Variants in GTF2E2 observed in about 807,000 individuals in gnomAD.
The protein encoded by GTF2E2 is general transcription factor IIE subunit 2.
Under a neutral mutation model 40.5 loss-of-function variants are expected in GTF2E2, and 21 were observed. The observed-to-expected ratio is 0.52, with a 90% CI of 0.37 to 0.75. The LOEUF (loss-of-function observed/expected upper bound fraction) is 0.75. Among genes scored for constraint, GTF2E2 ranks in the 30% least tolerant of loss-of-function variants. The probability of loss-of-function intolerance (pLI) is 0.00; values close to 1 mark genes in which losing one functional copy is unlikely to be tolerated. For synonymous variants in GTF2E2, 117 were observed against 121.6 expected, an observed-to-expected ratio of 0.96 and a Z score of 0.25; for missense variants, 298 against 338.4, an observed-to-expected ratio of 0.88 and a Z score of 0.94.
Position 30,607,145 on chromosome 8 carries a change from C to A in GTF2E2, c.555G>T (p.Leu185Phe). 1 of 1,315,072 alleles carries A rather than the reference C, an allele frequency of 7.6e-7. No homozygotes were observed. The highest frequency in any genetic ancestry group is 2.0e-5 in the Admixed American group (1 of 49,254). 81.5% of individuals were successfully genotyped at this position (1,315,072 alleles called of 1,614,324 possible). Residue 185 changes from leucine (L) to phenylalanine (F), a missense_variant, in exon 6 of 8, where the codon TTG becomes TTT. Transcript: ENST00000355904. ...LPNSQKAVKA[L>F]GDQILFVNRP... ...GATTTACAAATAGTATCTGGTCCCCCAAAGCCTTAAAGATAGATAAAATAA... is the reference window on the plus strand; with the variant it reads ...GATTTACAAATAGTATCTGGTCCCCAAAAGCCTTAAAGATAGATAAAATAA...
At position 30,592,245 on chromosome 8, in the gene GTF2E2, G is replaced by A. The variant is rs142547872; in HGVS notation, c.644-11849C>T. On this transcript the variant is annotated intron_variant, in intron 6 of 7. Transcript: ENST00000355904. ...AATACAAACATTAGCCAGGCATGGT[G>A]ACACACACCTGTAGTCCTAGCTACT... Among the ~76,000 whole-genome samples, 1,130 of 152,220 alleles carry A rather than the reference G, an allele frequency of 7.4e-3. 18 individuals carry two copies. The highest frequency in any genetic ancestry group is 0.026 in the African/African-American group (1,062 of 41,524).
intron 6 of GTF2E2, among the ~76,000 whole-genome samples, chr8:30,586,175 T>G (rs1828677935): frequency 6.6e-6 from 1 of 152,194 alleles, no homozygotes; most frequent in South Asian, 2.1e-4. Context: ...TTAACGTGAC[T>G]TTTTATCCTC....
chr8:30,607,271 G>T (rs569495545), intron 5 of GTF2E2, 121 bp from the exon 6 acceptor site: 24 of 461,906 alleles, frequency 5.2e-5, no homozygotes, highest in Middle Eastern at 1.2e-3. Context: ...CCACCATAGG[G>T]TCCTCCACCA....
rs529530628 is a variant in GTF2E2, at chr8:30,640,461, A to G, written c.167-5338T>C. Among the ~76,000 whole-genome samples, 11 of 152,304 alleles carry G rather than the reference A, an allele frequency of 7.2e-5. No individual in the cohort carries two copies. The East Asian group carries it at 1.7e-3, about 24-fold the overall frequency. On this transcript the variant is annotated intron_variant, in intron 2 of 7. Coordinates refer to ENST00000355904, the MANE Select transcript of GTF2E2 (RefSeq NM_002095.6). The stretch of plus-strand genomic sequence containing the variant: ...TGGGAGTAAACATACCAAAATTAAC[A>G]TAAAACAAAACTAAAACACATATGC...
chr8:30,625,204 G>GTT (rs897946558), intron 3 of GTF2E2, among the ~76,000 whole-genome samples: 4 of 151,118 alleles, frequency 2.6e-5, no homozygotes, highest in South Asian at 2.1e-4. Context: ...TTTATTGAGG[G>GTT]TTTTTTTTTA....
At chr8:30,586,435 GAATT>G (rs1239969104) in intron 6 of GTF2E2, among the ~76,000 whole-genome samples, 1 of 152,086 alleles carries the variant, frequency 6.6e-6, no homozygotes, top group African/African-American at 2.4e-5. Context: ...TGAATTGGAA[GAATT>G]AATACTGTTA....
chr8:30,643,002 T>G (rs1412386978), intron 2 of GTF2E2, among the ~76,000 whole-genome samples: 1 of 152,134 alleles, frequency 6.6e-6, no homozygotes, highest in African/African-American at 2.4e-5. Flanking sequence ...CACGCTGGAG[T>G]GCAATGTGCA....
intron 6 of GTF2E2, among the ~76,000 whole-genome samples, chr8:30,601,279 C>G (rs999725521): frequency 4.6e-5 from 7 of 152,214 alleles, no homozygotes; most frequent in Non-Finnish European, 7.3e-5. Context: ...TCACTGTGAT[C>G]TTCTTCCACC....
intron 5 of GTF2E2, among the ~76,000 whole-genome samples, chr8:30,611,883 T>C (rs1454780899): frequency 3.9e-5 from 6 of 152,236 alleles, no homozygotes; most frequent in Non-Finnish European, 7.3e-5. Context: ...CTTTCATAGA[T>C]AGCCCCTTTA....
intron 4 of GTF2E2, among the ~76,000 whole-genome samples, chr8:30,613,110 G>C (rs573166832): frequency 6.6e-6 from 1 of 152,196 alleles, no homozygotes; most frequent in Non-Finnish European, 1.5e-5. Context: ...TAGTCAAAAT[G>C]TGTAGGAATC....
At chr8:30,648,178 G>A (rs967348537) in intron 2 of GTF2E2, among the ~76,000 whole-genome samples, 80 of 152,344 alleles carry the variant, frequency 5.3e-4, no homozygotes, top group African/African-American at 1.8e-3. Context: ...AGAGGCAAGA[G>A]AGAATAAAGC....
chr8:30,593,414 T>C (rs1267970996), intron 6 of GTF2E2, among the ~76,000 whole-genome samples: 2 of 152,324 alleles, frequency 1.3e-5, no homozygotes, highest in African/African-American at 4.8e-5. Context: ...ATTCATGTAT[T>C]TGGAAGGCCT....
chr8:30,634,981 C>G, intron 3 of GTF2E2, 51 bp downstream of exon 3: 1 of 1,005,040 alleles, frequency 9.9e-7, no homozygotes, highest in Non-Finnish European at 1.5e-6. Context: ...TAATCTCCTT[C>G]TTTTGCCAAA....
chr8:30,649,458 G>C (rs1220192942), intron 2 of GTF2E2, among the ~76,000 whole-genome samples: 1 of 151,966 alleles, frequency 6.6e-6, no homozygotes, highest in Non-Finnish European at 1.5e-5. Context: ...TGAAACCAAA[G>C]GTTGGTTCTT....
At chr8:30,647,309 G>A (rs1054825811) in intron 2 of GTF2E2, among the ~76,000 whole-genome samples, 8 of 152,220 alleles carry the variant, frequency 5.3e-5, no homozygotes, top group Middle Eastern at 3.4e-3. Flanking sequence ...GGCTGGGCGC[G>A]GTGGCTCACG....
At chr8:30,627,765 TG>T (rs1199154358) in intron 3 of GTF2E2, among the ~76,000 whole-genome samples, 1 of 152,204 alleles carries the variant, frequency 6.6e-6, no homozygotes, top group East Asian at 1.9e-4. Flanking sequence ...AGAAATCCAG[TG>T]GCTTAGCAGA....
chr8:30,647,864 T>C (rs1194306829), intron 2 of GTF2E2, among the ~76,000 whole-genome samples: 1 of 152,184 alleles, frequency 6.6e-6, no homozygotes, highest in Non-Finnish European at 1.5e-5. Flanking sequence ...TCCCCCACCC[T>C]ATCCTGTAAT....
At chr8:30,581,375 T>A (rs1828511418) in intron 6 of GTF2E2, among the ~76,000 whole-genome samples, 2 of 152,216 alleles carry the variant, frequency 1.3e-5, no homozygotes, top group African/African-American at 2.4e-5. Flanking sequence ...GAAGTAGGCA[T>A]CTGATACTGT....
chr8:30,594,732 C>T (rs962717109), intron 6 of GTF2E2, among the ~76,000 whole-genome samples: 15 of 151,874 alleles, frequency 9.9e-5, no homozygotes, highest in Middle Eastern at 3.4e-3. Flanking sequence ...GTGGTGTATG[C>T]CTGTAATCCC....
Sources: gnomAD v4.1 joint callset for allele counts (sites outside exome capture counted in the v4.1 genomes callset) on GRCh38, gnomAD v4.1.1 for gene constraint, MANE v1.5 for transcripts, NCBI Gene and HGNC (gene_info 2026-07-23, HGNC 2026-07-21) for gene names.